The following ZNF518A variants were observed in gnomAD, a reference collection of about 807,000 sequenced individuals.
ZNF518A encodes the protein zinc finger protein 518A.
ZNF518A carries 47 observed loss-of-function variants against 102.7 expected under a neutral mutation model. That is an observed-to-expected ratio of 0.46 (90% CI 0.36 to 0.58). The LOEUF (loss-of-function observed/expected upper bound fraction) is 0.58, where lower values mean the gene tolerates loss of function less well. Among genes scored for constraint, ZNF518A ranks in the 20% least tolerant of loss-of-function variants. The pLI is 0.00. For synonymous variants in ZNF518A, 652 were observed against 594.6 expected (o/e 1.10, Z -1.40); for missense variants, 1,793 against 1,699.8 (o/e 1.05, Z -0.96).
At chr10:96,153,998 G>T (rs1467000151) in intron 3 of ZNF518A, among the ~76,000 whole-genome samples, 1 of 152,144 alleles carries the variant, frequency 6.6e-6, no homozygotes, top group Non-Finnish European at 1.5e-5. Context: ...TATCTTACGA[G>T]ATTAGACAGT....
downstream of ZNF518A, chr10:96,204,769 C>T (rs1029061703): frequency 1.5e-5 from 10 of 687,146 alleles, no homozygotes; most frequent in Admixed American, 1.5e-4. Flanking sequence ...TGTGCACTTG[C>T]CAGTCTGTTG....
intron 3 of ZNF518A, among the ~76,000 whole-genome samples, chr10:96,146,375 A>T (rs1448108259): frequency 2.0e-5 from 3 of 152,320 alleles, no homozygotes; most frequent in South Asian, 2.1e-4. Context: ...ACTGTTCTTT[A>T]TAAAGGTCAT....
At chr10:96,187,221 T>A (rs2083276670) in intron 1 of ZNF518A, among the ~76,000 whole-genome samples, 1 of 152,246 alleles carries the variant, frequency 6.6e-6, no homozygotes, top group Non-Finnish European at 1.5e-5. Context: ...TATCCACAGA[T>A]CACTTTTTAT....
chr10:96,158,654 T>C lies in ZNF518A; in HGVS notation c.2332T>C (p.Phe778Leu). Residue 778 changes from phenylalanine to leucine, a missense_variant, in exon 6 of 6, where the codon TTT becomes CTT. By Grantham distance (22) the Phe-to-Leu change is conservative. Around this residue, in one of 3 missense-constraint regions of ZNF518A, gnomAD observed 1,741 missense variants for 1,622.6 expected, o/e 1.07. Transcript: ENST00000316045. Reference protein sequence around the residue: ...FSLQSQQASEFLPPEVNQLLQ... With the variant: ...FSLQSQQASELLPPEVNQLLQ... ...TCTCCAGAGCCAACAGGCATCAGAA[T>C]TTCTGCCACCTGAAGTAAACCAATT... 6.2e-7 allele frequency: 1 copy of C among 1,613,372 alleles called. No individual in the cohort carries two copies. The highest frequency in any genetic ancestry group is 8.5e-7 in the Non-Finnish European group (1 of 1,179,640).
chr10:96,172,205 G>C (rs1400575721), intron 1 of ZNF518A, among the ~76,000 whole-genome samples: 1 of 151,912 alleles, frequency 6.6e-6, no homozygotes, highest in East Asian at 1.9e-4. Context: ...AAGTATAAAA[G>C]AGAATATAAT....
In ZNF518A at chr10:96,200,232, G is replaced by T; in HGVS notation, n.36-3342G>T. On this transcript the variant is annotated intron_variant and non_coding_transcript_variant, in intron 1 of 2. Coordinates refer to the ZNF518A transcript ENST00000442635. This position sits in a 1 kb window ranked among gnomAD's most constrained non-coding sequence, Gnocchi z 4.3. Reference sequence around the variant, plus strand: ...CTAATTTCTGTGTACTAGAAACAAAGACCCATTTGCATTATCAAGACAGGC... The same window carrying T: ...CTAATTTCTGTGTACTAGAAACAAATACCCATTTGCATTATCAAGACAGGC... The T allele has an allele frequency of 8.1e-7, 1 of 1,242,204 alleles. No individual in the cohort carries two copies. Among genetic ancestry groups the T allele is most frequent in the Non-Finnish European group, 1.2e-6 (1 of 850,978 alleles). The allele number at this position is 1,242,204 out of a possible 1,614,324, so 76.9% of individuals were successfully genotyped here.
intron 1 of ZNF518A, among the ~76,000 whole-genome samples, chr10:96,169,841 G>A (rs375588079): frequency 2.6e-4 from 40 of 152,256 alleles, no homozygotes; most frequent in African/African-American, 9.2e-4. Context: ...TGTACTTGTT[G>A]TCTAGTGACT....
intron 1 of ZNF518A, among the ~76,000 whole-genome samples, chr10:96,183,158 G>A (rs782069782): frequency 2.3e-4 from 35 of 152,108 alleles, no homozygotes; most frequent in Non-Finnish European, 3.1e-4. Flanking sequence ...CTGTGGGATC[G>A]GTGGTGATAT....
intron 1 of ZNF518A, among the ~76,000 whole-genome samples, chr10:96,177,369 T>C (rs1481663112): frequency 1.3e-5 from 2 of 152,196 alleles, no homozygotes; most frequent in Non-Finnish European, 2.9e-5. Flanking sequence ...ACAACTGCGC[T>C]ACCTTAAATA....
rs587676585 is a variant in ZNF518A, at chr10:96,172,200, T to C, written n.35+16153T>C. Among the ~76,000 whole-genome samples, 5 of 149,080 alleles carry C rather than the reference T, an allele frequency of 3.4e-5. No individual in the cohort carries two copies. In the South Asian group the frequency reaches 1.1e-3, roughly 32 times the overall value. ...GACATTACATGAAAGTAAGTAAGTA[T>C]AAAAGAGAATATAATTGCATCTTTA... On this transcript the variant is annotated intron_variant and non_coding_transcript_variant, in intron 1 of 2. Transcript: ENST00000442635.
Position 96,159,068 on chromosome 10 carries a change from T to C in ZNF518A, c.2746T>C (p.Tyr916His). ...RATTQNLGSFYMQSPLLNSEQ... is the reference protein window; with the variant it reads ...RATTQNLGSFHMQSPLLNSEQ... ...CACCACACAAAATTTAGGTTCTTTT[T>C]ATATGCAGAGTCCACTTTTAAATTC... The change falls in exon 6 of 6, where the codon TAT (tyrosine) becomes CAT (histidine). Residue 916 changes from tyrosine to histidine, a missense_variant. Physicochemically the swap from Tyr to His is moderately conservative, Grantham distance 83. Coordinates refer to ENST00000316045, the MANE Select transcript of ZNF518A (RefSeq NM_001330736.2). 2 of 1,613,548 alleles carry C rather than the reference T, an allele frequency of 1.2e-6. No individual in the cohort carries two copies. The highest frequency in any genetic ancestry group is 2.2e-5 in the South Asian group (2 of 91,022).
At chr10:96,201,098 T>C in intron 1 of ZNF518A, 1 of 1,545,692 alleles carries the variant, frequency 6.5e-7, no homozygotes, top group Non-Finnish European at 8.9e-7. Context: ...AATCTTCATA[T>C]TTCTTGAACT....
rs1242751384 is a variant in ZNF518A, at chr10:96,146,075, A to T, written c.-301-9251A>T. Among the ~76,000 whole-genome samples the T allele has an allele frequency of 2.0e-5, 3 of 152,188 alleles. No homozygotes were observed. The East Asian group carries it at 5.8e-4, about 29-fold the overall frequency. On this transcript the variant is annotated intron_variant, in intron 3 of 5. Transcript: ENST00000316045. ...CTATCCATCTATCAGTATTTGAACA[A>T]ATTAAACTCTATATGTCTACTGTTT...
intron 3 of ZNF518A, among the ~76,000 whole-genome samples, chr10:96,148,764 G>T (rs2082289666): frequency 6.6e-6 from 1 of 152,220 alleles, no homozygotes; most frequent in Non-Finnish European, 1.5e-5. Flanking sequence ...CGCCCAGGCT[G>T]GAGTGCAGTG....
In ZNF518A at chr10:96,162,068, A is replaced by G. The variant is rs1049643577; in HGVS notation, c.*1294A>G. 1 of 166,952 alleles carries G rather than the reference A, an allele frequency of 6.0e-6. No homozygotes were observed. The allele number at this position is 166,952 out of a possible 1,614,324, so 10.3% of individuals were successfully genotyped here. The stretch of plus-strand genomic sequence containing the variant: ...CTTGTGTTAACAAATTACGTGCTAT[A>G]TGATTTTTTGTTACATTGTTACAAG... On this transcript the variant is annotated 3_prime_UTR_variant, in exon 6 of 6. Transcript: ENST00000316045.
intron 1 of ZNF518A, among the ~76,000 whole-genome samples, chr10:96,194,064 T>C (rs1051443269): frequency 6.6e-6 from 1 of 152,172 alleles, no homozygotes; most frequent in African/African-American, 2.4e-5. Flanking sequence ...GTCTATTCAT[T>C]CTAAAGTGGA....
intron 1 of ZNF518A, among the ~76,000 whole-genome samples, chr10:96,198,865 A>C (rs897386330): frequency 5.3e-5 from 8 of 152,028 alleles, no homozygotes; most frequent in African/African-American, 1.7e-4. Context: ...CGCCTGGCTA[A>C]TTTTTTTATT....
At chr10:96,174,031 T>C (rs2083189166) in intron 1 of ZNF518A, among the ~76,000 whole-genome samples, 1 of 152,114 alleles carries the variant, frequency 6.6e-6, no homozygotes, top group Non-Finnish European at 1.5e-5. Context: ...ACAAACTTTC[T>C]TGAGGTTAAT....
intron 3 of ZNF518A, among the ~76,000 whole-genome samples, chr10:96,144,222 G>GCCATCCACCCAC (rs1234035622): frequency 2.0e-5 from 3 of 151,992 alleles, no homozygotes; most frequent in Non-Finnish European, 2.9e-5. Context: ...CTCAGCTCAA[G>GCCATCCACCCAC]CCATCCACCC....
Sources: gnomAD v4.1 joint callset for allele counts (sites outside exome capture counted in the v4.1 genomes callset) on GRCh38, gnomAD v4.1.1 for gene constraint, gnomAD v4.1.1 regional missense constraint, Gnocchi (gnomAD v3.1) non-coding constraint, MANE v1.5 for transcripts, NCBI Gene and HGNC (gene_info 2026-07-23, HGNC 2026-07-21) for gene names.